OSBPL8: variants seen among roughly 807,000 people sequenced by gnomAD.
The protein encoded by OSBPL8 is oxysterol-binding protein-related protein 8.
OSBPL8 carries 59 observed loss-of-function variants against 125.5 expected under a neutral mutation model. That is an observed-to-expected ratio of 0.47 (90% CI 0.38 to 0.58). The LOEUF (loss-of-function observed/expected upper bound fraction) is 0.58. OSBPL8 is among the 20% of genes least tolerant of loss of function. The pLI, the probability that OSBPL8 is intolerant of heterozygous loss-of-function variation, is 0.00. For synonymous variants in OSBPL8, 330 were observed against 338.9 expected, an observed-to-expected ratio of 0.97 and a Z score of 0.29; for missense variants, 758 against 1,047.8, an observed-to-expected ratio of 0.72 and a Z score of 3.82.
chr12:76,519,219 C>T (rs1338223205), intron 1 of OSBPL8, among the ~76,000 whole-genome samples: 1 of 152,210 alleles, frequency 6.6e-6, no homozygotes, highest in Non-Finnish European at 1.5e-5. Flanking sequence ...TAAGTCATTA[C>T]TCTTAAGTTC....
At chr12:76,412,383 CTA>C (rs1868267655) in intron 4 of OSBPL8, among the ~76,000 whole-genome samples, 1 of 152,090 alleles carries the variant, frequency 6.6e-6, no homozygotes, top group Non-Finnish European at 1.5e-5. Flanking sequence ...CTATACGTAA[CTA>C]AAAATTCAAA....
chr12:76,491,977 C>T (rs1311781253), intron 1 of OSBPL8, among the ~76,000 whole-genome samples: 1 of 151,922 alleles, frequency 6.6e-6, no homozygotes, highest in Non-Finnish European at 1.5e-5. Context: ...ATTATACTGA[C>T]CACTTTGAAT....
At chr12:76,525,797 C>A (rs1181353417) in intron 1 of OSBPL8, among the ~76,000 whole-genome samples, 1 of 152,002 alleles carries the variant, frequency 6.6e-6, no homozygotes, top group East Asian at 1.9e-4. Flanking sequence ...AATAAAAAAA[C>A]AAAGGGAAAA....
intron 15 of OSBPL8, among the ~76,000 whole-genome samples, chr12:76,383,074 G>A (rs906359412): frequency 4.6e-5 from 7 of 152,058 alleles, no homozygotes; most frequent in East Asian, 1.9e-4. Flanking sequence ...CAATTCTGAC[G>A]ATCTTAAATT....
At chr12:76,487,188 CCTGG>C (rs1878238773) in intron 2 of OSBPL8, among the ~76,000 whole-genome samples, 1 of 151,884 alleles carries the variant, frequency 6.6e-6, no homozygotes, top group Admixed American at 6.6e-5. Flanking sequence ...TGCCACCACA[CCTGG>C]CTAATTTTTG....
intron 1 of OSBPL8, among the ~76,000 whole-genome samples, chr12:76,490,740 G>A (rs1286705635): frequency 6.6e-6 from 1 of 152,330 alleles, no homozygotes; most frequent in East Asian, 1.9e-4. Context: ...TGCCCTTATT[G>A]GCAGAAGGCA....
At chr12:76,485,756 TA>T (rs1878059568) in intron 2 of OSBPL8, among the ~76,000 whole-genome samples, 2 of 152,178 alleles carry the variant, frequency 1.3e-5, no homozygotes, top group South Asian at 4.1e-4. Context: ...AGAAGATAAT[TA>T]ACCTCTCTGA....
intron 4 of OSBPL8, among the ~76,000 whole-genome samples, chr12:76,437,122 C>T (rs1418795076): frequency 1.3e-5 from 2 of 151,996 alleles, no homozygotes; most frequent in African/African-American, 4.8e-5. Context: ...CTTCTATTAC[C>T]AACAATTCTG....
chr12:76,384,864 T>A (rs746294250), intron 14 of OSBPL8, among the ~76,000 whole-genome samples: 1 of 152,122 alleles, frequency 6.6e-6, no homozygotes, highest in Non-Finnish European at 1.5e-5. Context: ...TCATTAGAAA[T>A]CCTGAGCAGG....
chr12:76,532,986 T>C (rs928721516), intron 1 of OSBPL8, among the ~76,000 whole-genome samples: 6 of 152,192 alleles, frequency 3.9e-5, no homozygotes, highest in African/African-American at 9.6e-5. Context: ...TTCTATTACT[T>C]GAACCGAAAA....
At chr12:76,556,176 T>C (rs1052573245) in intron 1 of OSBPL8, among the ~76,000 whole-genome samples, 1 of 152,214 alleles carries the variant, frequency 6.6e-6, no homozygotes, top group African/African-American at 2.4e-5. Context: ...ACTTTTTTCA[T>C]TCATTAACTA....
intron 1 of OSBPL8, among the ~76,000 whole-genome samples, chr12:76,530,079 G>A (rs1264709945): frequency 6.6e-6 from 1 of 151,804 alleles, no homozygotes; most frequent in Non-Finnish European, 1.5e-5. Flanking sequence ...TTAGACACAG[G>A]GTCTCATTCT....
intron 21 of OSBPL8, among the ~76,000 whole-genome samples, chr12:76,367,377 CACCTCATTTTTCCTTTGGTTACT>C (rs1952460632): frequency 8.6e-5 from 13 of 151,916 alleles, no homozygotes; most frequent in Non-Finnish European, 1.9e-4. Flanking sequence ...TACTATTGGC[CACCTCATTTTTCCTTTGGTTACT>C]ATTTGCACAT....
chr12:76,409,920 A>G (rs962514864), intron 5 of OSBPL8, among the ~76,000 whole-genome samples: 1 of 152,178 alleles, frequency 6.6e-6, no homozygotes. Context: ...CCCTGCTACT[A>G]TATCTTACCA....
At chr12:76,388,098 AG>A (rs1953395957) in intron 12 of OSBPL8, among the ~76,000 whole-genome samples, 1 of 152,198 alleles carries the variant, frequency 6.6e-6, no homozygotes, top group South Asian at 2.1e-4. Context: ...CCTACAGATC[AG>A]TTTATGGAAT....
intron 12 of OSBPL8, 64 bp downstream of exon 12, chr12:76,389,581 G>C: frequency 4.0e-6 from 5 of 1,251,636 alleles, no homozygotes; most frequent in Non-Finnish European, 4.3e-6. Context: ...ATTGAAAATA[G>C]CATTCTTGAG....
intron 1 of OSBPL8, among the ~76,000 whole-genome samples, chr12:76,504,022 T>C (rs988190896): frequency 2.7e-5 from 4 of 149,874 alleles, no homozygotes; most frequent in African/African-American, 9.9e-5. Context: ...TTTAGATCAG[T>C]AGACTTTGAG....
chr12:76,463,121 G>C (rs573006182), intron 2 of OSBPL8, among the ~76,000 whole-genome samples: 59 of 152,288 alleles, frequency 3.9e-4, no homozygotes, highest in African/African-American at 1.4e-3. Context: ...AGAGAGACAA[G>C]GGTATAATCA....
At chr12:76,468,802 G>A (rs1875765964) in intron 2 of OSBPL8, among the ~76,000 whole-genome samples, 1 of 152,148 alleles carries the variant, frequency 6.6e-6, no homozygotes, top group South Asian at 2.1e-4. Flanking sequence ...GTACAGTGCT[G>A]TCAAATAGAA....
Sources: gnomAD v4.1 joint callset for allele counts (sites outside exome capture counted in the v4.1 genomes callset) on GRCh38, gnomAD v4.1.1 for gene constraint, MANE v1.5 for transcripts, NCBI Gene and HGNC (gene_info 2026-07-23, HGNC 2026-07-21) for gene names.